The following ASB11 variants were observed in gnomAD, a reference collection of about 807,000 sequenced individuals.
ASB11 encodes the protein ankyrin repeat and SOCS box containing 11, also known as ankyrin repeat and SOCS box protein 11.
A neutral mutation model predicts 20.1 loss-of-function variants in ASB11; 17 were observed. That is an observed-to-expected ratio of 0.85 (90% CI 0.58 to 1.27). The LOEUF (loss-of-function observed/expected upper bound fraction) is 1.27. ASB11 is among the 50% of genes most tolerant of loss of function. The pLI, the probability that ASB11 is intolerant of heterozygous loss-of-function variation, is 0.00. For missense variants in ASB11, 259 were observed against 256.9 expected (o/e 1.01, Z -0.06); for synonymous variants, 107 against 105.6 (o/e 1.01, Z -0.08).
At chrX:15,284,691 A>T (rs1339130373) in intron 6 of ASB11, among the ~76,000 whole-genome samples, 1 of 111,837 alleles carries the variant, frequency 8.9e-6, no homozygotes, top group Non-Finnish European at 1.9e-5. Context: ...CCTTAAGGAA[A>T]ATCAGCTGAT....
intron 2 of ASB11, among the ~76,000 whole-genome samples, chrX:15,300,469 C>A (rs769340838): frequency 8.9e-6 from 1 of 112,435 alleles, no homozygotes; most frequent in East Asian, 2.8e-4. Context: ...TAAAAGTAGA[C>A]AAATACATTT....
At chrX:15,312,470 G>A (rs1921467874) in intron 1 of ASB11, among the ~76,000 whole-genome samples, 2 of 62,226 alleles carry the variant, frequency 3.2e-5, no homozygotes. Flanking sequence ...CACAAAGAAT[G>A]ATATTTAATG....
intron 1 of ASB11, among the ~76,000 whole-genome samples, chrX:15,304,886 C>T (rs968156641): frequency 2.7e-5 from 3 of 111,269 alleles, no homozygotes; most frequent in African/African-American, 9.8e-5. Flanking sequence ...CTTGATGGGG[C>T]TTCCATTGGC....
chrX:15,298,977 C>T (rs983253292), intron 2 of ASB11, among the ~76,000 whole-genome samples: 1 of 111,276 alleles, frequency 9.0e-6, no homozygotes, highest in Non-Finnish European at 1.9e-5. Flanking sequence ...CATTCTCCCT[C>T]CCCATACTAC....
At chrX:15,312,292 A>G (rs765932453) in intron 1 of ASB11, among the ~76,000 whole-genome samples, 1 of 109,141 alleles carries the variant, frequency 9.2e-6, no homozygotes, top group African/African-American at 3.3e-5. Flanking sequence ...ACCAAAACTA[A>G]TAACAGTCAA....
chrX:15,289,592 A>G lies in ASB11; in HGVS notation c.567T>C (p.Ile189=), dbSNP rs1927478875. The change falls in exon 5 of 7, where the codon ATT becomes ATC. Residue 189 remains isoleucine (I), a synonymous_variant. Coordinates refer to ENST00000480796, the MANE Select transcript of ASB11 (RefSeq NM_080873.3). ...TTCCGAGCTGAGGCACCTCATGGTC[A>G]ATGTTAACATTATTTGCCAGCAGGA... is the stretch of plus-strand genomic sequence containing the variant. ...MEILLANNVN[I]DHEVPQLGTP... The G allele has an allele frequency of 8.3e-7, 1 of 1,210,503 alleles. No homozygotes were observed. Among genetic ancestry groups the G allele is most frequent in the Non-Finnish European group, 1.1e-6 (1 of 894,248 alleles).
intron 3 of ASB11, among the ~76,000 whole-genome samples, chrX:15,293,898 AG>A (rs1927598022): frequency 8.9e-5 from 2 of 22,397 alleles, no homozygotes; most frequent in African/African-American, 3.7e-4. Flanking sequence ...GGGTGGGGGG[AG>A]GGGGGAGGGA....
In ASB11 at chrX:15,283,310, C is replaced by G. The variant is rs1927241136; in HGVS notation, c.*195G>C. ...TAAAAGCTAAATGGTTTCTACTTGC[C>G]CCTTGGTTAATGAGAACATTAAACT... On this transcript the variant is annotated 3_prime_UTR_variant, in exon 7 of 7. Transcript: ENST00000480796. 4.5e-6 allele frequency: 2 copies of G among 443,626 alleles called. No individual in the cohort carries two copies. The highest frequency in any genetic ancestry group is 1.2e-4 in the South Asian group (2 of 16,925). The allele number at this position is 443,626 out of a possible 1,213,427, so 36.6% of individuals were successfully genotyped here.
At chrX:15,289,795 C>A (rs778405956) in intron 4 of ASB11, among the ~76,000 whole-genome samples, 157 bp from the exon 5 acceptor site, 1 of 111,360 alleles carries the variant, frequency 9.0e-6, no homozygotes, top group Non-Finnish European at 1.9e-5. Context: ...AGGCTGAGAC[C>A]GGCGGATTCC....
At chrX:15,304,330 C>G (rs908006044) in intron 1 of ASB11, among the ~76,000 whole-genome samples, 13 of 112,546 alleles carry the variant, frequency 1.2e-4, no homozygotes, top group Non-Finnish European at 2.3e-4. Flanking sequence ...ACTTCTCTCA[C>G]CCTTTGGGTT....
chrX:15,286,099 G>A (rs113711652), intron 6 of ASB11, among the ~76,000 whole-genome samples: 14 of 111,218 alleles, frequency 1.3e-4, no homozygotes, highest in African/African-American at 4.6e-4. Context: ...TCACGTGGGA[G>A]CCTGCTAGAC....
intron 3 of ASB11, 51 bp downstream of exon 3, chrX:15,297,523 T>C (rs1159348456): frequency 4.0e-6 from 4 of 994,624 alleles, no homozygotes. Flanking sequence ...CATTAAACAT[T>C]AACAGATGCA....
chrX:15,310,864 G>A (rs759000536), intron 1 of ASB11, among the ~76,000 whole-genome samples: 5 of 111,306 alleles, frequency 4.5e-5, no homozygotes, highest in Middle Eastern at 4.6e-3. Flanking sequence ...GCGGGCGCCT[G>A]TACTCCCAGC....
rs766087370 is a variant in ASB11, at chrX:15,284,066, C to A, written c.848-437G>T. 1.3e-4 allele frequency among the ~76,000 whole-genome samples: 14 copies of A among 107,033 alleles called. No homozygotes were observed. In the South Asian group the frequency reaches 2.5e-3, roughly 19 times the overall value. 92.9% of individuals were successfully genotyped at this position (107,033 alleles called of 115,157 possible). On this transcript the variant is annotated intron_variant, in intron 6 of 6. Transcript: ENST00000480796. The stretch of plus-strand genomic sequence containing the variant: ...AGGAGATGGAGACCATCCTGGCTAA[C>A]ACGGTGAAACCCCGTGTCCACTAAA...
intron 2 of ASB11, among the ~76,000 whole-genome samples, chrX:15,302,398 C>T (rs1347293666): frequency 8.9e-6 from 1 of 112,367 alleles, no homozygotes; most frequent in Non-Finnish European, 1.9e-5. Context: ...TTCAGGACTG[C>T]TGGTGCTAAT....
intron 2 of ASB11, among the ~76,000 whole-genome samples, chrX:15,300,462 A>T (rs1921029615): frequency 8.9e-6 from 1 of 112,826 alleles, no homozygotes. Context: ...AAGTTTATAA[A>T]AGTAGACAAA....
At chrX:15,300,479 T>A (rs774941074) in intron 2 of ASB11, among the ~76,000 whole-genome samples, 3 of 112,781 alleles carry the variant, frequency 2.7e-5, no homozygotes, top group South Asian at 7.2e-4. Context: ...CAAATACATT[T>A]TTTAACAGTG....
chrX:15,289,410 A>G (rs1446171168), intron 5 of ASB11, 94 bp downstream of exon 5: 6 of 973,663 alleles, frequency 6.2e-6, no homozygotes, highest in African/African-American at 2.0e-5. Flanking sequence ...TGCTAACCGA[A>G]TATTTTTCAA....
intron 2 of ASB11, among the ~76,000 whole-genome samples, chrX:15,298,837 T>G (rs1440179415): frequency 1.8e-5 from 2 of 111,576 alleles, no homozygotes; most frequent in African/African-American, 6.5e-5. Context: ...TGCTGTGGAG[T>G]AGCAGCACTG....
Sources: allele counts gnomAD v4.1 joint callset (sites outside exome capture counted in the v4.1 genomes callset), GRCh38; gene constraint gnomAD v4.1.1; transcripts MANE v1.5; gene names NCBI Gene and HGNC (gene_info 2026-07-23, HGNC 2026-07-21).